The following ARHGAP15 variants were observed in gnomAD, a reference collection of about 807,000 sequenced individuals.
The protein encoded by ARHGAP15 is rho GTPase-activating protein 15.
A neutral mutation model predicts 63.7 loss-of-function variants in ARHGAP15; 51 were observed. The ratio of observed to expected loss-of-function variants is 0.80; its 90% CI spans 0.64 to 1.01. The LOEUF (loss-of-function observed/expected upper bound fraction) is 1.01, where lower values mean the gene tolerates loss of function less well. Ranked by LOEUF, ARHGAP15 falls within the 50% of genes least tolerant of loss-of-function variation. The probability of loss-of-function intolerance (pLI) is 0.00; values close to 1 mark genes in which losing one functional copy is unlikely to be tolerated. For synonymous variants in ARHGAP15, 191 were observed against 193.8 expected (o/e 0.99, Z 0.12); for missense variants, 560 against 564.6 (o/e 0.99, Z 0.08).
chr2:143,738,383 C>T (rs2105501628), intron 13 of ARHGAP15, among the ~76,000 whole-genome samples: 1 of 152,278 alleles, frequency 6.6e-6, no homozygotes, highest in Non-Finnish European at 1.5e-5. Context: ...ACATTTCAAT[C>T]CTCAACTGTG....
At chr2:143,677,120 A>T (rs1682867277) in intron 12 of ARHGAP15, among the ~76,000 whole-genome samples, 1 of 152,206 alleles carries the variant, frequency 6.6e-6, no homozygotes, top group Non-Finnish European at 1.5e-5. Context: ...CATCCCATTC[A>T]TTGTGAATCT....
intron 6 of ARHGAP15, among the ~76,000 whole-genome samples, chr2:143,252,745 A>G (rs1558843503): frequency 6.6e-6 from 1 of 152,074 alleles, no homozygotes; most frequent in African/African-American, 2.4e-5. Flanking sequence ...GATACAGACT[A>G]TGAGAGTAAG....
At chr2:143,197,366 A>G (rs1172783296) in intron 2 of ARHGAP15, among the ~76,000 whole-genome samples, 1 of 151,998 alleles carries the variant, frequency 6.6e-6, no homozygotes, top group Non-Finnish European at 1.5e-5. Context: ...ATTGTCAGAT[A>G]ATAATAATAA....
rs13004934 is a variant in ARHGAP15, at chr2:143,643,002, A to G, written c.1138+18735A>G. ...TTCTTATCCTCCTGCCTATCACAGA[A>G]CTTTCCACAGAAAAGGGACTCAGTA... is the stretch of plus-strand genomic sequence containing the variant. On this transcript the variant is annotated intron_variant, in intron 12 of 13. Transcript: ENST00000295095. 4.4e-3 allele frequency among the ~76,000 whole-genome samples: 667 copies of G among 152,220 alleles called. 8 individuals carry two copies. Among genetic ancestry groups the G allele is most frequent in the Non-Finnish European group, 7.5e-3 (512 of 67,984 alleles).
At position 143,155,459 on chromosome 2, in the gene ARHGAP15, C is replaced by A; in HGVS notation, c.-14-18C>A. 1 of 1,552,754 alleles carries A rather than the reference C, an allele frequency of 6.4e-7. No individual in the cohort carries two copies. The highest frequency in any genetic ancestry group is 8.7e-7 in the Non-Finnish European group (1 of 1,153,158). ...ATTGTATGTTTAGAATAACATAATA[C>A]ATTTTATATTTTATCAGGATAGCAC... is the stretch of plus-strand genomic sequence containing the variant. On this transcript the variant is annotated intron_variant, in intron 1 of 13. Transcript: ENST00000295095.
chr2:143,416,362 T>G (rs1688678620), intron 6 of ARHGAP15, among the ~76,000 whole-genome samples: 1 of 152,188 alleles, frequency 6.6e-6, no homozygotes, highest in Non-Finnish European at 1.5e-5. Context: ...CACTTTCTCT[T>G]TGCCAAACTG....
intron 1 of ARHGAP15, among the ~76,000 whole-genome samples, chr2:143,136,193 T>C (rs902167845): frequency 6.6e-6 from 1 of 152,176 alleles, no homozygotes; most frequent in African/African-American, 2.4e-5. Context: ...CAAAGTTTCA[T>C]CTAGTTTATC....
intron 6 of ARHGAP15, among the ~76,000 whole-genome samples, chr2:143,352,526 G>T (rs1685616426): frequency 6.6e-6 from 1 of 151,994 alleles, no homozygotes; most frequent in African/African-American, 2.4e-5. Flanking sequence ...ATGATCTATG[G>T]AAAAATTATC....
chr2:143,365,671 C>T (rs1330354972), intron 6 of ARHGAP15, among the ~76,000 whole-genome samples: 1 of 152,200 alleles, frequency 6.6e-6, no homozygotes, highest in African/African-American at 2.4e-5. Flanking sequence ...GAAATTGAAT[C>T]TTGCCTTCTC....
chr2:143,607,561 GAGAGAGAGAGAGAC>G (rs1167915952), intron 11 of ARHGAP15: 2 of 151,766 alleles, frequency 1.3e-5, no homozygotes, highest in African/African-American at 4.8e-5. Context: ...GAGAGAGAGA[GAGAGAGAGAGAGAC>G]AGAGAGAGAG....
At chr2:143,489,446 T>C (rs1692477505) in intron 9 of ARHGAP15, among the ~76,000 whole-genome samples, 1 of 152,218 alleles carries the variant, frequency 6.6e-6, no homozygotes, top group African/African-American at 2.4e-5. Flanking sequence ...TAGAATTTTT[T>C]TCCACGTACA....
At chr2:143,326,517 G>A (rs1364109767) in intron 6 of ARHGAP15, among the ~76,000 whole-genome samples, 1 of 152,120 alleles carries the variant, frequency 6.6e-6, no homozygotes, top group Non-Finnish European at 1.5e-5. Flanking sequence ...TGAGTCTTTT[G>A]TATCTTTTAG....
intron 6 of ARHGAP15, among the ~76,000 whole-genome samples, chr2:143,369,373 A>C (rs1686443023): frequency 6.6e-6 from 1 of 152,138 alleles, no homozygotes. Context: ...TTTTCCTTTA[A>C]AATGGCAAAT....
intron 12 of ARHGAP15, among the ~76,000 whole-genome samples, chr2:143,644,916 T>A (rs1329581795): frequency 6.6e-6 from 1 of 152,094 alleles, no homozygotes; most frequent in Non-Finnish European, 1.5e-5. Flanking sequence ...CCCTTCTATC[T>A]GCTATCCAAA....
chr2:143,418,102 G>A (rs1688765124), intron 6 of ARHGAP15, among the ~76,000 whole-genome samples: 1 of 152,148 alleles, frequency 6.6e-6, no homozygotes, highest in African/African-American at 2.4e-5. Context: ...TAGTACCCTA[G>A]TAGCACCTGT....
At chr2:143,398,855 T>A (rs1213688308) in intron 6 of ARHGAP15, among the ~76,000 whole-genome samples, 1 of 151,850 alleles carries the variant, frequency 6.6e-6, no homozygotes, top group Non-Finnish European at 1.5e-5. Flanking sequence ...TTAACACAGC[T>A]TCAATACTAA....
intron 5 of ARHGAP15, among the ~76,000 whole-genome samples, chr2:143,245,125 G>C (rs780898184): frequency 6.6e-6 from 1 of 152,140 alleles, no homozygotes; most frequent in South Asian, 2.1e-4. Flanking sequence ...CCCATTGAGG[G>C]GTCAACATAT....
intron 12 of ARHGAP15, among the ~76,000 whole-genome samples, chr2:143,646,227 G>T (rs13409480): frequency 1.3e-5 from 2 of 151,756 alleles, no homozygotes; most frequent in African/African-American, 4.8e-5. Flanking sequence ...CTTCTATTCT[G>T]TTGCTCATGG....
intron 13 of ARHGAP15, among the ~76,000 whole-genome samples, chr2:143,753,446 T>G (rs1686457330): frequency 6.6e-6 from 1 of 152,222 alleles, no homozygotes. Flanking sequence ...GCATTTCATG[T>G]AGAAATTCTT....
Sources: allele counts gnomAD v4.1 joint callset (sites outside exome capture counted in the v4.1 genomes callset), GRCh38; gene constraint gnomAD v4.1.1; transcripts MANE v1.5; gene names NCBI Gene and HGNC (gene_info 2026-07-23, HGNC 2026-07-21).